Variants in MANEA observed in about 807,000 individuals in gnomAD.
The protein encoded by MANEA is mannosidase endo-alpha, also known as glycoprotein endo-alpha-1,2-mannosidase.
Under a neutral mutation model 36.8 loss-of-function variants are expected in MANEA, and 25 were observed. That is an observed-to-expected ratio of 0.68 (90% CI 0.50 to 0.95). MANEA has a LOEUF of 0.95. MANEA is among the 40% of genes least tolerant of loss of function. The probability of loss-of-function intolerance (pLI) is 0.00; values close to 1 mark genes in which losing one functional copy is unlikely to be tolerated. For synonymous variants in MANEA, 198 were observed against 188.5 expected (o/e 1.05, Z -0.41); for missense variants, 565 against 558.8 (o/e 1.01, Z -0.11).
At chr6:95,605,625 C>G (rs1444698528) in intron 4 of MANEA, 123 bp from the exon 5 acceptor site, 4 of 649,126 alleles carry the variant, frequency 6.2e-6, no homozygotes, top group East Asian at 5.3e-5. Flanking sequence ...ACAACTGATT[C>G]CCCTAAGAAA....
chr6:95,604,851 A>C lies in MANEA; in HGVS notation c.679A>C (p.Ser227Arg). ...GGTTACTTTTCACATAGAACCATAT[A>C]GCAATCGAGATGATCAAAACATGTA... ...LKVTFHIEPY[S>R]NRDDQNMYKN... The change falls in exon 4 of 5, where the codon AGC becomes CGC. Residue 227 changes from serine to arginine, a missense_variant. By Grantham distance (110) the Ser-to-Arg change is moderately radical (BLOSUM62 -1). Coordinates refer to ENST00000358812, the MANE Select transcript of MANEA (RefSeq NM_024641.4). 6.7e-7 allele frequency: 1 copy of C among 1,486,042 alleles called. No homozygotes were observed. The highest frequency in any genetic ancestry group is 2.4e-5 in the East Asian group (1 of 40,982). 92.1% of individuals were successfully genotyped at this position (1,486,042 alleles called of 1,614,324 possible).
intron 2 of MANEA, among the ~76,000 whole-genome samples, chr6:95,595,221 T>G (rs1769462181): frequency 6.6e-6 from 1 of 152,192 alleles, no homozygotes; most frequent in African/African-American, 2.4e-5. Flanking sequence ...AACTTTTTGT[T>G]GTCATTCTTA....
At chr6:95,581,553 A>T (rs939712594) in intron 1 of MANEA, among the ~76,000 whole-genome samples, 1 of 152,204 alleles carries the variant, frequency 6.6e-6, no homozygotes, top group Non-Finnish European at 1.5e-5. Flanking sequence ...CTGTTTGATT[A>T]AAACATTACT....
chr6:95,583,404 T>C (rs569271258), intron 1 of MANEA, among the ~76,000 whole-genome samples: 2 of 152,144 alleles, frequency 1.3e-5, no homozygotes, highest in Non-Finnish European at 2.9e-5. Context: ...AATATGTAAA[T>C]ACACATATAT....
At chr6:95,584,117 C>T (rs1331233315) in intron 1 of MANEA, among the ~76,000 whole-genome samples, 1 of 152,176 alleles carries the variant, frequency 6.6e-6, no homozygotes, top group Non-Finnish European at 1.5e-5. Flanking sequence ...TGTACGTCAC[C>T]TCAGGACCAC....
In MANEA at chr6:95,586,407, CACTT is replaced by C. The variant is rs775482816; in HGVS notation, c.-29_-26del. 10 of 1,531,144 alleles carry C rather than the reference CACTT, an allele frequency of 6.5e-6. No individual in the cohort carries two copies. The highest frequency in any genetic ancestry group is 8.0e-6 in the Non-Finnish European group (9 of 1,127,672). The allele number at this position is 1,531,144 out of a possible 1,614,324, so 94.8% of individuals were successfully genotyped here. A position where few individuals can be genotyped will look rare whatever the true frequency, so the allele number is the denominator to read the frequency against. On this transcript the variant is annotated 5_prime_UTR_variant, in exon 2 of 5. It removes the in-frame stop codon of an upstream open reading frame in the 5' UTR. Transcript: ENST00000358812. ...CTTTTTTCAATAAATTGCAGCAAAA[CACTT>C]ACTATTTTGGAGTTTAAAGTATGTC...
chr6:95,605,002 TATG>T (rs1195772513), intron 4 of MANEA, 99 bp downstream of exon 4: 2 of 432,436 alleles, frequency 4.6e-6, no homozygotes, highest in African/African-American at 2.1e-5. Context: ...TTGAATGATT[TATG>T]ATTATTCCAT....
At chr6:95,593,427 TA>T (rs1286857733) in intron 2 of MANEA, among the ~76,000 whole-genome samples, 1 of 152,042 alleles carries the variant, frequency 6.6e-6, no homozygotes, top group African/African-American at 2.4e-5. Context: ...GCAAAGAGGA[TA>T]AAAGAGGAAG....
In MANEA at chr6:95,607,384, A is replaced by T. The variant is rs902578686; in HGVS notation, c.*979A>T. On this transcript the variant is annotated 3_prime_UTR_variant, in exon 5 of 5. Transcript: ENST00000358812. ...AAAGAAAAATGTTATTACTGTCATT[A>T]GGTTGTCTTTTAATACTTTAAGTTA... is the stretch of plus-strand genomic sequence containing the variant. The T allele has an allele frequency of 1.3e-5, 2 of 152,080 alleles. No individual in the cohort carries two copies. Among genetic ancestry groups the T allele is most frequent in the African/African-American group, 4.8e-5 (2 of 41,446 alleles). The allele number at this position is 152,080 out of a possible 1,614,324, so 9.4% of individuals were successfully genotyped here.
intron 2 of MANEA, among the ~76,000 whole-genome samples, chr6:95,593,406 A>G (rs1482140020): frequency 6.6e-6 from 1 of 152,208 alleles, no homozygotes; most frequent in Non-Finnish European, 1.5e-5. Context: ...CCAAAGCCAT[A>G]GAGTATACTT....
At chr6:95,584,721 T>G (rs1169436432) in intron 1 of MANEA, among the ~76,000 whole-genome samples, 1 of 152,206 alleles carries the variant, frequency 6.6e-6, no homozygotes, top group Admixed American at 6.5e-5. Flanking sequence ...TTTGAAATTC[T>G]TAATAAAATT....
chr6:95,595,098 T>C (rs1300550725), intron 2 of MANEA, among the ~76,000 whole-genome samples: 2 of 152,194 alleles, frequency 1.3e-5, no homozygotes, highest in Non-Finnish European at 2.9e-5. Flanking sequence ...ATGTTTTGCT[T>C]ATAATTTTCA....
At chr6:95,591,392 A>G (rs1769382933) in intron 2 of MANEA, among the ~76,000 whole-genome samples, 1 of 151,892 alleles carries the variant, frequency 6.6e-6, no homozygotes. Context: ...AATGTATTCC[A>G]TTTCTTTTTT....
chr6:95,606,268 A>G lies in MANEA; in HGVS notation c.1252A>G (p.Arg418Gly). The G allele has an allele frequency of 6.2e-7, 1 of 1,613,800 alleles. No homozygotes were observed. Among genetic ancestry groups the G allele is most frequent in the Non-Finnish European group, 8.5e-7 (1 of 1,179,964 alleles). Residue 418 changes from arginine to glycine, a missense_variant, in exon 5 of 5, where the codon AGA becomes GGA. By Grantham distance (125) the Arg-to-Gly change is moderately radical. Transcript: ENST00000358812. The part of the protein sequence containing the change: ...GTQIEKAVPK[R>G]TSNTVYLDYR... ...TCAGATTGAAAAAGCTGTTCCCAAA[A>G]GAACCAGTAATACAGTGTACCTAGA...
chr6:95,577,775 C>G (rs1769096391), intron 1 of MANEA, 137 bp downstream of exon 1: 2 of 152,284 alleles, frequency 1.3e-5, no homozygotes, highest in African/African-American at 4.8e-5. Flanking sequence ...GCCCTTTGAC[C>G]CGGCGCCCCT....
intron 2 of MANEA, among the ~76,000 whole-genome samples, chr6:95,595,124 A>G (rs1453985204): frequency 1.3e-5 from 2 of 152,154 alleles, no homozygotes; most frequent in Non-Finnish European, 2.9e-5. Flanking sequence ...TTCATAGCAT[A>G]ATCTTTCTGT....
intron 2 of MANEA, among the ~76,000 whole-genome samples, chr6:95,595,119 A>G (rs1210452399): frequency 6.6e-6 from 1 of 152,160 alleles, no homozygotes; most frequent in Non-Finnish European, 1.5e-5. Context: ...TGTGATTCAT[A>G]GCATAATCTT....
chr6:95,597,904 G>C (rs1769509900), intron 3 of MANEA, among the ~76,000 whole-genome samples: 1 of 151,824 alleles, frequency 6.6e-6, no homozygotes, highest in Non-Finnish European at 1.5e-5. Context: ...CCATTGGTGA[G>C]ATTAAAAAAG....
intron 1 of MANEA, among the ~76,000 whole-genome samples, 184 bp from the exon 2 acceptor site, chr6:95,586,218 A>G (rs1769278062): frequency 6.6e-6 from 1 of 152,194 alleles, no homozygotes; most frequent in Non-Finnish European, 1.5e-5. Context: ...ATAGACCCTT[A>G]TTGTACACAT....
Sources: gnomAD v4.1 joint callset for allele counts (sites outside exome capture counted in the v4.1 genomes callset) on GRCh38, gnomAD v4.1.1 for gene constraint, MANE v1.5 for transcripts, NCBI Gene and HGNC (gene_info 2026-07-23, HGNC 2026-07-21) for gene names.